The following GALNS variants were observed in gnomAD, a reference collection of about 807,000 sequenced individuals.
GALNS encodes N-acetylgalactosamine-6-sulfatase.
In GALNS, 65 loss-of-function variants were observed where a neutral mutation model predicts 65.9. The observed-to-expected ratio is 0.99, with a 90% CI of 0.81 to 1.21. The LOEUF is 1.21. GALNS is among the 50% of genes most tolerant of loss of function. The probability of loss-of-function intolerance (pLI) is 0.00; values close to 1 mark genes in which losing one functional copy is unlikely to be tolerated. For synonymous variants in GALNS, 346 were observed against 288.9 expected, an observed-to-expected ratio of 1.20 and a Z score of -2.00; for missense variants, 776 against 700.7, an observed-to-expected ratio of 1.11 and a Z score of -1.21.
At chr16:88,820,192 G>A (rs1185903602) in intron 12 of GALNS, among the ~76,000 whole-genome samples, 9 of 151,926 alleles carry the variant, frequency 5.9e-5, no homozygotes, top group Admixed American at 1.3e-4. Context: ...GCAGTGGTGC[G>A]ATCTCAGCTC....
chr16:88,832,205 C>T (rs1911581694), intron 8 of GALNS, 104 bp from the exon 9 acceptor site: 11 of 1,026,212 alleles, frequency 1.1e-5, no homozygotes, highest in Non-Finnish European at 1.6e-5. Context: ...GACAAAGGGC[C>T]CGGCCAAGGC....
intron 1 of GALNS, chr16:88,855,775 G>C (rs2143012124): frequency 1.9e-6 from 1 of 535,412 alleles, no homozygotes; most frequent in Admixed American, 3.3e-5. Context: ...CCAGCCCTTG[G>C]GTGTGGCCCG....
rs1003355734 is a variant in GALNS at position 88,831,870 on chromosome 16, C to A, written c.1002+128G>T. 11 of 763,714 alleles carry A rather than the reference C, an allele frequency of 1.4e-5. No homozygotes were observed. In the Admixed American group the frequency reaches 2.2e-4, roughly 15 times the overall value. The allele number at this position is 763,714 out of a possible 1,614,324, so 47.3% of individuals were successfully genotyped here. ...GTGCGTGGAGGCTGAGCACAGGGTG[C>A]GTGGGGAGGAGAGCGGTGAGGATGA... is the stretch of plus-strand genomic sequence containing the variant. On this transcript the variant is annotated intron_variant, in intron 9 of 13. Transcript: ENST00000268695.
chr16:88,826,668 C>G lies in GALNS; in HGVS notation c.1139+34G>C, dbSNP rs369694152. The stretch of plus-strand genomic sequence containing the variant: ...CAGCTCTGGGCTTCACTACTTGGAT[C>G]GGGGGAAGGGGCCGGGGCAGGTCTA... On this transcript the variant is annotated intron_variant, in intron 10 of 13. Coordinates refer to ENST00000268695, the MANE Select transcript of GALNS (RefSeq NM_000512.5). 19 of 1,602,276 alleles carry G rather than the reference C, an allele frequency of 1.2e-5. No homozygotes were observed. In the African/African-American group the frequency reaches 1.2e-4, roughly 10 times the overall value.
At chr16:88,855,216 C>A in intron 1 of GALNS, 1 of 695,762 alleles carries the variant, frequency 1.4e-6, no homozygotes, top group Admixed American at 2.0e-5. Context: ...TCATGAGCTG[C>A]CCCGCCTCAC....
intron 8 of GALNS, among the ~76,000 whole-genome samples, chr16:88,833,155 C>T (rs1345358531): frequency 1.3e-5 from 2 of 152,072 alleles, no homozygotes; most frequent in African/African-American, 4.8e-5. Context: ...GCAAAGTCAC[C>T]GCAGCTCCTT....
chr16:88,830,453 C>T (rs1407044658), intron 9 of GALNS, among the ~76,000 whole-genome samples: 6 of 151,744 alleles, frequency 4.0e-5, no homozygotes, highest in Non-Finnish European at 7.4e-5. Flanking sequence ...CTCTGGCTGT[C>T]GTCATGTGTG....
At chr16:88,828,658 T>C (rs534796332) in intron 9 of GALNS, among the ~76,000 whole-genome samples, 6 of 152,342 alleles carry the variant, frequency 3.9e-5, no homozygotes, top group African/African-American at 1.4e-4. Context: ...TTTCCCTTCT[T>C]CAGGGAGCGA....
intron 4 of GALNS, chr16:88,838,545 C>G (rs1402277651): frequency 6.6e-6 from 1 of 152,610 alleles, no homozygotes; most frequent in Non-Finnish European, 1.5e-5. Context: ...CCCCGCAGAC[C>G]TTGTGCTCCC....
intron 1 of GALNS, chr16:88,843,306 G>T: frequency 2.2e-6 from 2 of 924,708 alleles, no homozygotes; most frequent in Non-Finnish European, 3.0e-6. Context: ...TGACCCTGCA[G>T]TTCCACGCTG....
In GALNS at chr16:88,838,210, A is replaced by G. The variant is rs562354787; in HGVS notation, c.423-445T>C. Among the ~76,000 whole-genome samples the G allele has an allele frequency of 2.6e-5, 4 of 152,234 alleles. No individual in the cohort carries two copies. The South Asian group carries it at 8.3e-4, about 32-fold the overall frequency. On this transcript the variant is annotated intron_variant, in intron 4 of 13. Transcript: ENST00000268695. ...GGCAGAAAATATTTCCTGCCAGGTA[A>G]TTACTGGGTCTCTCCACACCGAGGC...
intron 13 of GALNS, chr16:88,816,562 G>A: frequency 1.0e-6 from 1 of 975,326 alleles, no homozygotes; most frequent in Non-Finnish European, 1.2e-6. Context: ...GCCCTGCCCA[G>A]TCCTAAATAA....
intron 1 of GALNS, chr16:88,843,044 C>T (rs1289894343): frequency 1.6e-5 from 25 of 1,523,088 alleles, no homozygotes; most frequent in African/African-American, 2.8e-5. Flanking sequence ...GCATCGCCTG[C>T]GTGCGTGCAC....
At chr16:88,832,240 A>G in intron 8 of GALNS, 139 bp from the exon 9 acceptor site, 1 of 794,102 alleles carries the variant, frequency 1.3e-6, no homozygotes, top group Non-Finnish European at 2.1e-6. Context: ...GCATGATCCG[A>G]GCCTCGGGGT....
At chr16:88,821,485 G>A (rs1237339986) in intron 12 of GALNS, among the ~76,000 whole-genome samples, 1 of 152,224 alleles carries the variant, frequency 6.6e-6, no homozygotes, top group African/African-American at 2.4e-5. Flanking sequence ...CAGGCTCCAT[G>A]CTGCCTTCCC....
At chr16:88,817,986 G>T in intron 13 of GALNS, 21 bp downstream of exon 13, 2 of 1,553,234 alleles carry the variant, frequency 1.3e-6, no homozygotes, top group Admixed American at 1.8e-5. Context: ...AGAGACGGCC[G>T]CCCACACACC....
rs1910947846 is a variant in GALNS at position 88,826,608 on chromosome 16, G to A, written c.1139+94C>T. 11 of 1,458,372 alleles carry A rather than the reference G, an allele frequency of 7.5e-6. No individual in the cohort carries two copies. In the South Asian group the frequency reaches 1.2e-4, roughly 16 times the overall value. The allele number at this position is 1,458,372 out of a possible 1,614,324, so 90.3% of individuals were successfully genotyped here. A position where few individuals can be genotyped will look rare whatever the true frequency, so the allele number is the denominator to read the frequency against. Reference sequence around the variant, plus strand: ...CGAGCACGCCTGTGTCCAGAACCAGGAGGGCTGCTGGGCCTGGGGGTTGCA... The same window carrying A: ...CGAGCACGCCTGTGTCCAGAACCAGAAGGGCTGCTGGGCCTGGGGGTTGCA... On this transcript the variant is annotated intron_variant, in intron 10 of 13. Coordinates refer to ENST00000268695, the MANE Select transcript of GALNS (RefSeq NM_000512.5).
intron 13 of GALNS, chr16:88,816,354 TC>T (rs1366043297): frequency 8.1e-6 from 8 of 985,268 alleles, no homozygotes; most frequent in Non-Finnish European, 9.6e-6. Flanking sequence ...CCAGGGCTCC[TC>T]CACGGCTGGT....
At chr16:88,816,268 C>A (rs187363785) in intron 13 of GALNS, 1 of 985,320 alleles carries the variant, frequency 1.0e-6, no homozygotes. Flanking sequence ...GGCCTGCGCC[C>A]GTGGAGCCAC....
Sources: gnomAD v4.1 joint callset for allele counts (sites outside exome capture counted in the v4.1 genomes callset) on GRCh38, gnomAD v4.1.1 for gene constraint, MANE v1.5 for transcripts, NCBI Gene and HGNC (gene_info 2026-07-23, HGNC 2026-07-21) for gene names.